The following CLCNKB variants were observed in gnomAD, a reference collection of about 807,000 sequenced individuals.
CLCNKB encodes chloride voltage-gated channel Kb.
Under a neutral mutation model 83.8 loss-of-function variants are expected in CLCNKB, and 74 were observed. The observed-to-expected ratio is 0.88, with a 90% CI of 0.73 to 1.07. The LOEUF (loss-of-function observed/expected upper bound fraction) is 1.07, where lower values mean the gene tolerates loss of function less well. Among genes scored for constraint, CLCNKB ranks in the 50% least tolerant of loss-of-function variants. The probability of loss-of-function intolerance (pLI) is 0.00; values close to 1 mark genes in which losing one functional copy is unlikely to be tolerated. For synonymous variants in CLCNKB, 358 were observed against 356.6 expected, an observed-to-expected ratio of 1.00 and a Z score of -0.04; for missense variants, 798 against 893.6, an observed-to-expected ratio of 0.89 and a Z score of 1.36.
chr1:16,054,835 C>G (rs1250367258), intron 16 of CLCNKB, among the ~76,000 whole-genome samples: 1 of 152,144 alleles, frequency 6.6e-6, no homozygotes, highest in African/African-American at 2.4e-5. Flanking sequence ...CAAGAAATAG[C>G]CTTCAGTGTT....
At chr1:16,046,476 G>C in intron 3 of CLCNKB, 59 bp from the exon 4 acceptor site, 1 of 1,608,350 alleles carries the variant, frequency 6.2e-7, no homozygotes, top group South Asian at 1.1e-5. Flanking sequence ...GCACCACAGC[G>C]TCTGGCCCCG....
At position 16,051,004 on chromosome 1, in the gene CLCNKB, C is replaced by T. The variant is rs34255952; in HGVS notation, c.1183C>T (p.Arg395Trp). 1.3e-3 allele frequency: 2,133 copies of T among 1,614,074 alleles called. 26 individuals are homozygous for T. In the African/African-American group the frequency reaches 0.024, roughly 18 times the overall value. ...QHLWWEWYHP[R>W]FTIFGTLAFF... ...CCTGTGGTGGGAATGGTACCACCCG[C>T]GGTTCACCATCTTTGGGACCCTTGC... is the stretch of plus-strand genomic sequence containing the variant. Residue 395 changes from arginine (R) to tryptophan (W), a missense_variant, in exon 12 of 20, where the codon CGG becomes TGG. Arg to Trp is a moderately radical substitution (Grantham distance 101). Coordinates refer to ENST00000375679, the MANE Select transcript of CLCNKB (RefSeq NM_000085.5).
At chr1:16,048,971 C>T (rs1369408226) in intron 7 of CLCNKB, 149 bp from the exon 8 acceptor site, 2 of 1,549,126 alleles carry the variant, frequency 1.3e-6, no homozygotes, top group Non-Finnish European at 1.7e-6. Context: ...GCCCAGGGCG[C>T]ATGCCCTGCC....
Position 16,048,329 on chromosome 1 carries a change from C to T in CLCNKB, c.499-14C>T, listed in dbSNP as rs371797157. The T allele has an allele frequency of 4.3e-6, 7 of 1,613,780 alleles. No homozygotes were observed. The highest frequency in any genetic ancestry group is 4.0e-5 in the African/African-American group (3 of 74,832). ...GCCCTCACCTGGGCCCTGGGCCCAC[C>T]CTTCTCTCTGCAGGGCCCTTTCGTG... is the stretch of plus-strand genomic sequence containing the variant. On this transcript the variant is annotated splice_polypyrimidine_tract_variant and intron_variant, in intron 5 of 19. Transcript: ENST00000375679.
At chr1:16,045,791 T>C in intron 3 of CLCNKB, 105 bp downstream of exon 3, 51 of 567,664 alleles carry the variant, frequency 9.0e-5, no homozygotes, top group Non-Finnish European at 1.4e-4. Context: ...GGGGGGGTGC[T>C]CTGGGTGGGG....
chr1:16,046,489 G>A (rs2023103458), intron 3 of CLCNKB, 46 bp from the exon 4 acceptor site: 2 of 1,611,534 alleles, frequency 1.2e-6, no homozygotes, highest in African/African-American at 2.7e-5. Context: ...TGGCCCCGAG[G>A]GCTGCAGAGG....
chr1:16,056,294 C>G, intron 18 of CLCNKB, 128 bp from the exon 19 acceptor site: 1 of 986,506 alleles, frequency 1.0e-6, no homozygotes, highest in South Asian at 1.3e-5. Context: ...CATTGCAGGC[C>G]TGGGTCTCTT....
At position 16,049,927 on chromosome 1, in the gene CLCNKB, G is replaced by A; in HGVS notation, c.968+11G>A. The A allele has an allele frequency of 6.7e-7, 1 of 1,501,714 alleles. No homozygotes were observed. Among genetic ancestry groups the A allele is most frequent in the Non-Finnish European group, 9.0e-7 (1 of 1,115,378 alleles). The allele number at this position is 1,501,714 out of a possible 1,614,324, so 93.0% of individuals were successfully genotyped here. ...ACTGCTGGCCACCAGGTAGGCTCCG[G>A]GCTAAGGGCTGGGGACCTCTCAGCG... On this transcript the variant is annotated intron_variant, in intron 10 of 19. Coordinates refer to ENST00000375679, the MANE Select transcript of CLCNKB (RefSeq NM_000085.5).
chr1:16,049,397 AG>A (rs1488279511), intron 8 of CLCNKB, 152 bp downstream of exon 8: 1 of 1,522,608 alleles, frequency 6.6e-7, no homozygotes. Flanking sequence ...GGGAGGATGG[AG>A]GGGGCTGACC....
intron 18 of CLCNKB, 81 bp from the exon 19 acceptor site, chr1:16,056,341 G>C: frequency 3.6e-6 from 5 of 1,398,720 alleles, no homozygotes; most frequent in Non-Finnish European, 5.1e-6. Flanking sequence ...CCTCTTCCTG[G>C]CTCAGAGGCG....
intron 18 of CLCNKB, 83 bp downstream of exon 18, chr1:16,055,841 C>A: frequency 1.5e-6 from 2 of 1,291,342 alleles, no homozygotes; most frequent in Non-Finnish European, 2.2e-6. Flanking sequence ...TCCAGCCTCC[C>A]CTCCCAACCC....
intron 3 of CLCNKB, 142 bp downstream of exon 3, chr1:16,045,828 T>A (rs534096940): frequency 9.6e-7 from 1 of 1,036,722 alleles, no homozygotes; most frequent in East Asian, 2.7e-5. Context: ...ACTCCTGACT[T>A]GCTCTGTGAT....
In CLCNKB at chr1:16,056,431, C is replaced by T; in HGVS notation, c.1939C>T (p.Leu647Phe). 1.2e-6 allele frequency: 2 copies of T among 1,614,112 alleles called. No individual in the cohort carries two copies. Among genetic ancestry groups the T allele is most frequent in the Non-Finnish European group, 1.7e-6 (2 of 1,179,992 alleles). Residue 647 changes from leucine to phenylalanine, a missense_variant, in exon 19 of 20, where the codon CTC (leucine) becomes TTC (phenylalanine). Leu to Phe is a conservative substitution (Grantham distance 22). Transcript: ENST00000375679. The stretch of plus-strand genomic sequence containing the variant: ...AACATCCCCCATCCAGGCACACAAC[C>T]TCTTTGAGCTGTTGAACCTTCATTC... ...PETSLHEAHN[L>F]FELLNLHSLF...
intron 7 of CLCNKB, 168 bp downstream of exon 7, chr1:16,048,750 G>A (rs1332658764): frequency 3.1e-5 from 45 of 1,475,264 alleles, no homozygotes; most frequent in Non-Finnish European, 3.0e-5. Flanking sequence ...GGGAGGGGGG[G>A]CGGGTGACTT....
intron 8 of CLCNKB, 60 bp from the exon 9 acceptor site, chr1:16,049,558 G>A: frequency 7.3e-7 from 1 of 1,375,776 alleles, no homozygotes; most frequent in Non-Finnish European, 1.0e-6. Flanking sequence ...GTTAGTCTGG[G>A]ACTTGAGTTT....
At chr1:16,047,585 G>A (rs1219718381) in intron 4 of CLCNKB, among the ~76,000 whole-genome samples, 4 of 152,072 alleles carry the variant, frequency 2.6e-5, no homozygotes, top group African/African-American at 7.2e-5. Flanking sequence ...AGAGCAGCCC[G>A]GGCAACATAG....
chr1:16,054,983 G>A (rs2023394983), intron 16 of CLCNKB, among the ~76,000 whole-genome samples: 1 of 152,232 alleles, frequency 6.6e-6, no homozygotes, highest in Non-Finnish European at 1.5e-5. Context: ...CCAGAGTGAA[G>A]TTGCCAAGGC....
rs1394163236 is a variant in CLCNKB, at chr1:16,056,353, G to T, written c.1930-69G>T. 5 of 1,476,086 alleles carry T rather than the reference G, an allele frequency of 3.4e-6. No individual in the cohort carries two copies. The Admixed American group carries it at 8.4e-5, about 25-fold the overall frequency. 91.4% of individuals were successfully genotyped at this position (1,476,086 alleles called of 1,614,324 possible). A position where few individuals can be genotyped will look rare whatever the true frequency, so the allele number is the denominator to read the frequency against. ...GCCCCTCTTCCTGGCTCAGAGGCGT[G>T]GTGGAGTGGGCTAGAGGGTGGGCTG... On this transcript the variant is annotated intron_variant, in intron 18 of 19. Coordinates refer to ENST00000375679, the MANE Select transcript of CLCNKB (RefSeq NM_000085.5).
intron 8 of CLCNKB, 90 bp from the exon 9 acceptor site, chr1:16,049,528 C>T (rs1413498501): frequency 2.7e-5 from 34 of 1,282,474 alleles, no homozygotes; most frequent in Non-Finnish European, 3.7e-5. Context: ...CAGGACCTGG[C>T]ACCCCCTCCA....
Sources: gnomAD v4.1 joint callset for allele counts (sites outside exome capture counted in the v4.1 genomes callset) on GRCh38, gnomAD v4.1.1 for gene constraint, MANE v1.5 for transcripts, NCBI Gene and HGNC (gene_info 2026-07-23, HGNC 2026-07-21) for gene names.